FHOD3: variants seen among roughly 807,000 people sequenced by gnomAD.
FHOD3 encodes formin homology 2 domain containing 3.
A neutral mutation model predicts 173.0 loss-of-function variants in FHOD3; 90 were observed. The observed-to-expected ratio is 0.52, with a 90% confidence interval of 0.44 to 0.62. The LOEUF is 0.62. Ranked by LOEUF, FHOD3 falls within the 20% of genes least tolerant of loss-of-function variation. FHOD3 has a pLI of 0.00. For synonymous variants in FHOD3, 828 were observed against 823.0 expected (o/e 1.01, Z -0.10); for missense variants, 1,945 against 2,034.7 (o/e 0.96, Z 0.85).
chr18:36,465,252 C>T (rs762027696), intron 3 of FHOD3, among the ~76,000 whole-genome samples: 5 of 152,236 alleles, frequency 3.3e-5, no homozygotes, highest in Non-Finnish European at 2.9e-5. Flanking sequence ...TGCTTGAACT[C>T]GGGAGGCGGA....
intron 27 of FHOD3, among the ~76,000 whole-genome samples, chr18:36,767,817 A>G (rs944608385): frequency 5.9e-5 from 9 of 152,094 alleles, no homozygotes; most frequent in Non-Finnish European, 1.3e-4. Flanking sequence ...CAATATGTCA[A>G]CTACACACAC....
In FHOD3 at chr18:36,594,769, T is replaced by A. The variant is rs750661333; in HGVS notation, c.607-18T>A. 1.0e-5 allele frequency: 16 copies of A among 1,594,282 alleles called. 1 individual carries two copies. In the South Asian group the frequency reaches 1.8e-4, roughly 18 times the overall value. The stretch of plus-strand genomic sequence containing the variant: ...GGCCTTGTTGGCAGTGATGTGATGG[T>A]TTTATCTCTTCTGCCAGTTCCGCCT... On this transcript the variant is annotated intron_variant, in intron 6 of 28. Coordinates refer to ENST00000590592, the MANE Select transcript of FHOD3 (RefSeq NM_001281740.3).
chr18:36,621,335 C>G lies in FHOD3; in HGVS notation c.958-4176C>G, dbSNP rs1010575027. ...GTGATAGGAAGTATGTATCAGTTATCTTTTTCTGCATAACAAAACACCCCA... is the reference window on the plus strand; with the variant it reads ...GTGATAGGAAGTATGTATCAGTTATGTTTTTCTGCATAACAAAACACCCCA... On this transcript the variant is annotated intron_variant, in intron 9 of 28. Coordinates refer to ENST00000590592, the MANE Select transcript of FHOD3 (RefSeq NM_001281740.3). Among the ~76,000 whole-genome samples the G allele has an allele frequency of 3.9e-5, 6 of 152,270 alleles. No individual in the cohort carries two copies. The East Asian group carries it at 9.6e-4, about 24-fold the overall frequency.
At chr18:36,534,548 C>T (rs1222510136) in intron 5 of FHOD3, among the ~76,000 whole-genome samples, 1 of 151,616 alleles carries the variant, frequency 6.6e-6, no homozygotes, top group African/African-American at 2.4e-5. Flanking sequence ...ACTCTGTCGC[C>T]CAGGCTGGAG....
chr18:36,397,845 A>T (rs937698398), intron 3 of FHOD3, among the ~76,000 whole-genome samples: 1 of 152,280 alleles, frequency 6.6e-6, no homozygotes, highest in Middle Eastern at 3.4e-3. Context: ...TTTAGGCATT[A>T]CTTCTGCATT....
chr18:36,745,384 G>A (rs921824815), intron 23 of FHOD3, among the ~76,000 whole-genome samples: 2 of 152,120 alleles, frequency 1.3e-5, no homozygotes, highest in Non-Finnish European at 2.9e-5. Context: ...TGAATCCCAG[G>A]GCTTTGCCTA....
chr18:36,333,089 C>T (rs556123232), intron 1 of FHOD3, among the ~76,000 whole-genome samples: 1 of 152,234 alleles, frequency 6.6e-6, no homozygotes, highest in Non-Finnish European at 1.5e-5. Context: ...CCAATGGCAG[C>T]CTCAAACTTA....
rs929357946 is a variant in FHOD3, at chr18:36,691,921, C to T, written c.2022-1288C>T. Among the ~76,000 whole-genome samples the T allele has an allele frequency of 2.6e-5, 4 of 152,228 alleles. No homozygotes were observed. In the South Asian group the frequency reaches 8.3e-4, roughly 32 times the overall value. ...TTTGCTTTTTGAAAACAGACATACA[C>T]ATGTGAACAGATGACTAAATATGCC... On this transcript the variant is annotated intron_variant, in intron 16 of 28. Coordinates refer to ENST00000590592, the MANE Select transcript of FHOD3 (RefSeq NM_001281740.3).
At position 36,298,009 on chromosome 18, in the gene FHOD3, CG is replaced by C; in HGVS notation, c.165+11del. The C allele has an allele frequency of 6.5e-7, 1 of 1,529,450 alleles. No individual in the cohort carries two copies. The allele number at this position is 1,529,450 out of a possible 1,614,324, so 94.7% of individuals were successfully genotyped here. A position where few individuals can be genotyped will look rare whatever the true frequency, so the allele number is the denominator to read the frequency against. On this transcript the variant is annotated intron_variant, in intron 1 of 28. Coordinates refer to ENST00000590592, the MANE Select transcript of FHOD3 (RefSeq NM_001281740.3). ...TGCAGGCGCCGCACAAGGTACGACC[CG>C]GCGGGGTGGGCTGGGCCCCCTGGAC...
intron 4 of FHOD3, among the ~76,000 whole-genome samples, chr18:36,505,855 A>G (rs1202487947): frequency 1.3e-5 from 2 of 152,338 alleles, no homozygotes; most frequent in African/African-American, 4.8e-5. Context: ...CAGAATAACC[A>G]TGCTGGGCTG....
intron 3 of FHOD3, among the ~76,000 whole-genome samples, chr18:36,477,723 C>T (rs898631637): frequency 6.6e-6 from 1 of 152,034 alleles, no homozygotes; most frequent in African/African-American, 2.4e-5. Context: ...CATAAAAGTA[C>T]AAGTCTTAAA....
At chr18:36,440,546 G>A (rs984125976) in intron 3 of FHOD3, among the ~76,000 whole-genome samples, 1 of 152,234 alleles carries the variant, frequency 6.6e-6, no homozygotes, top group African/African-American at 2.4e-5. Flanking sequence ...CCCTCCCACT[G>A]CTCATATTCT....
Position 36,568,306 on chromosome 18 carries a change from C to T in FHOD3, c.512-8145C>T, listed in dbSNP as rs1461879362. Among the ~76,000 whole-genome samples, 4 of 104,738 alleles carry T rather than the reference C, an allele frequency of 3.8e-5. No individual in the cohort carries two copies. The Admixed American group carries it at 4.3e-4, about 11-fold the overall frequency. The allele number at this position is 104,738 out of a possible 152,430, so 68.7% of individuals were successfully genotyped here. On this transcript the variant is annotated intron_variant, in intron 5 of 28. Transcript: ENST00000590592. ...CGAACTGAGATGGCACCAGCCTGGG[C>T]GACAGAGCAGACTCTGTCTCAAAAA...
At chr18:36,697,624 T>A (rs2039358661) in intron 17 of FHOD3, among the ~76,000 whole-genome samples, 1 of 152,220 alleles carries the variant, frequency 6.6e-6, no homozygotes, top group Non-Finnish European at 1.5e-5. Context: ...AAATGTCTGA[T>A]TGTTTGGCCC....
intron 5 of FHOD3, among the ~76,000 whole-genome samples, chr18:36,567,190 G>A (rs1158073120): frequency 1.3e-5 from 2 of 152,218 alleles, no homozygotes; most frequent in Non-Finnish European, 2.9e-5. Flanking sequence ...AAGCATCTGG[G>A]AGTTAGCTGT....
At chr18:36,485,092 T>G (rs1446906357) in intron 3 of FHOD3, among the ~76,000 whole-genome samples, 1 of 152,144 alleles carries the variant, frequency 6.6e-6, no homozygotes, top group Non-Finnish European at 1.5e-5. Context: ...TGGGGGTGGA[T>G]GGGTGGTAGG....
intron 5 of FHOD3, among the ~76,000 whole-genome samples, chr18:36,552,750 G>A (rs1399397317): frequency 1.3e-5 from 2 of 152,002 alleles, no homozygotes; most frequent in South Asian, 2.1e-4. Flanking sequence ...CACCCGCCTC[G>A]GCCTCCCAAA....
At chr18:36,524,029 C>T (rs549008291) in intron 5 of FHOD3, among the ~76,000 whole-genome samples, 1 of 152,164 alleles carries the variant, frequency 6.6e-6, no homozygotes, top group African/African-American at 2.4e-5. Flanking sequence ...ACCTGTAATC[C>T]CAGCACTTTG....
chr18:36,394,573 A>T (rs113566219), intron 3 of FHOD3, among the ~76,000 whole-genome samples: 1 of 152,162 alleles, frequency 6.6e-6, no homozygotes, highest in Non-Finnish European at 1.5e-5. Flanking sequence ...GTTGCACTTA[A>T]TGTACTTGAA....
Sources: allele counts gnomAD v4.1 joint callset (sites outside exome capture counted in the v4.1 genomes callset), GRCh38; gene constraint gnomAD v4.1.1; transcripts MANE v1.5; gene names NCBI Gene and HGNC (gene_info 2026-07-23, HGNC 2026-07-21).